FAM120A: variants seen among roughly 807,000 people sequenced by gnomAD.
FAM120A encodes family with sequence similarity 120 member A.
FAM120A carries 15 observed loss-of-function variants against 109.7 expected under a neutral mutation model. The ratio of observed to expected loss-of-function variants is 0.14; its 90% CI spans 0.09 to 0.21. The LOEUF (loss-of-function observed/expected upper bound fraction) is 0.21, where lower values mean the gene tolerates loss of function less well. Among genes scored for constraint, FAM120A ranks in the 10% least tolerant of loss-of-function variants. The pLI is 1.00. For synonymous variants in FAM120A, 493 were observed against 572.8 expected (o/e 0.86, Z 1.99); for missense variants, 899 against 1,439.3 (o/e 0.62, Z 6.07).
At chr9:93,555,098 G>A (rs867322026) in intron 12 of FAM120A, among the ~76,000 whole-genome samples, 2 of 152,118 alleles carry the variant, frequency 1.3e-5, no homozygotes, top group Non-Finnish European at 2.9e-5. Context: ...TTTTGTTCTA[G>A]TATGACCTCT....
chr9:93,482,949 A>G (rs1188963626), intron 3 of FAM120A, among the ~76,000 whole-genome samples: 2 of 152,176 alleles, frequency 1.3e-5, no homozygotes, highest in African/African-American at 4.8e-5. Context: ...CTTTTGTCCG[A>G]GAAGAGCTGT....
At chr9:93,527,308 G>A in intron 8 of FAM120A, 66 bp downstream of exon 8, 4 of 1,110,596 alleles carry the variant, frequency 3.6e-6, no homozygotes, top group Non-Finnish European at 5.4e-6. Flanking sequence ...CTGTATTAGT[G>A]ATCAAATAGT....
rs1182895127 is a variant in FAM120A, at chr9:93,565,918, C to T, written c.*1378C>T. The stretch of plus-strand genomic sequence containing the variant: ...AGTGATCAGAAATGAGGTGTAATTC[C>T]CCAACCCCTGCCCGCAAGAGCTAAG... On this transcript the variant is annotated 3_prime_UTR_variant, in exon 18 of 18. Coordinates refer to ENST00000277165, the MANE Select transcript of FAM120A (RefSeq NM_014612.5). 1 of 152,562 alleles carries T rather than the reference C, an allele frequency of 6.6e-6. No individual in the cohort carries two copies. Among genetic ancestry groups the T allele is most frequent in the Non-Finnish European group, 1.5e-5 (1 of 68,028 alleles). The allele number at this position is 152,562 out of a possible 1,614,324, so 9.5% of individuals were successfully genotyped here.
At chr9:93,467,525 C>T (rs1401502391) in intron 1 of FAM120A, among the ~76,000 whole-genome samples, 1 of 151,998 alleles carries the variant, frequency 6.6e-6, no homozygotes, top group Non-Finnish European at 1.5e-5. Flanking sequence ...GATTTCCCTC[C>T]CCCCGACCCT....
chr9:93,542,558 C>T (rs1861742791), intron 10 of FAM120A, among the ~76,000 whole-genome samples: 1 of 152,124 alleles, frequency 6.6e-6, no homozygotes, highest in African/African-American at 2.4e-5. Flanking sequence ...AACTTCTTGT[C>T]TTTTTTGAGG....
intron 11 of FAM120A, among the ~76,000 whole-genome samples, chr9:93,545,780 C>T (rs367779074): frequency 6.6e-4 from 43 of 65,500 alleles, no homozygotes; most frequent in East Asian, 2.6e-3. Context: ...GGAAAGACTC[C>T]TTTTTTTTTT....
intron 1 of FAM120A, among the ~76,000 whole-genome samples, chr9:93,462,429 C>CA (rs1394514482): frequency 5.3e-5 from 8 of 152,144 alleles, no homozygotes; most frequent in Non-Finnish European, 1.2e-4. Context: ...AGGCGTGCGC[C>CA]TGCCACCACA....
chr9:93,532,501 G>A lies in FAM120A; in HGVS notation c.1909+172G>A. 1.6e-6 allele frequency: 1 copy of A among 629,246 alleles called. No individual in the cohort carries two copies. The highest frequency in any genetic ancestry group is 2.8e-6 in the Non-Finnish European group (1 of 358,766). 39.0% of individuals were successfully genotyped at this position (629,246 alleles called of 1,614,324 possible). A position where few individuals can be genotyped will look rare whatever the true frequency, so the allele number is the denominator to read the frequency against. On this transcript the variant is annotated intron_variant, in intron 10 of 17. Transcript: ENST00000277165. This position sits in a 1 kb window ranked among gnomAD's most constrained non-coding sequence, Gnocchi z 4.3. ...AGGGTAAAGGCTCTTAGAAAAGGAGGAGAAGCCACAGACTTTCTTCCTCAG... is the reference window on the plus strand; with the variant it reads ...AGGGTAAAGGCTCTTAGAAAAGGAGAAGAAGCCACAGACTTTCTTCCTCAG...
intron 5 of FAM120A, among the ~76,000 whole-genome samples, chr9:93,511,283 C>T (rs7867466): frequency 0.024 from 3,624 of 152,276 alleles, 148 homozygotes; most frequent in African/African-American, 0.082. Context: ...CTCTTCTGGG[C>T]GCCGGCCTCT....
chr9:93,489,149 G>A (rs1469590691), intron 3 of FAM120A, among the ~76,000 whole-genome samples: 6 of 152,068 alleles, frequency 3.9e-5, no homozygotes, highest in Admixed American at 6.6e-5. Flanking sequence ...AAAAAAAGGC[G>A]CAATTTTGAA....
At chr9:93,479,169 G>A (rs1858688270) in intron 3 of FAM120A, among the ~76,000 whole-genome samples, 2 of 141,196 alleles carry the variant, frequency 1.4e-5, no homozygotes. Flanking sequence ...CGGGATCTCG[G>A]CTCACTGCAA....
chr9:93,555,470 T>C (rs1862256448), intron 12 of FAM120A, among the ~76,000 whole-genome samples: 1 of 152,246 alleles, frequency 6.6e-6, no homozygotes, highest in Non-Finnish European at 1.5e-5. Flanking sequence ...ACCTGCCACA[T>C]GTAGGCATTG....
chr9:93,514,570 A>C (rs1443533817), intron 5 of FAM120A, among the ~76,000 whole-genome samples: 2 of 152,150 alleles, frequency 1.3e-5, no homozygotes, highest in Non-Finnish European at 2.9e-5. Context: ...ATCTTACTTA[A>C]ACCGCCTCAG....
intron 12 of FAM120A, among the ~76,000 whole-genome samples, chr9:93,555,505 T>C (rs1192423246): frequency 6.6e-6 from 1 of 152,220 alleles, no homozygotes; most frequent in African/African-American, 2.4e-5. Context: ...CCATAAACAT[T>C]GCATTCTTGA....
chr9:93,554,934 A>G (rs1862242872), intron 12 of FAM120A, among the ~76,000 whole-genome samples: 1 of 152,198 alleles, frequency 6.6e-6, no homozygotes, highest in South Asian at 2.1e-4. Flanking sequence ...GCAAGGGGCC[A>G]GGAGATGGGT....
rs1277570398 is a variant in FAM120A, at chr9:93,467,271, G to A, written c.475-3870G>A. Among the ~76,000 whole-genome samples the A allele has an allele frequency of 2.3e-4, 18 of 76,622 alleles. 1 individual carries two copies. Among genetic ancestry groups the A allele is most frequent in the African/African-American group, 8.1e-4 (17 of 20,998 alleles). The allele number at this position is 76,622 out of a possible 152,430, so 50.3% of individuals were successfully genotyped here. On this transcript the variant is annotated intron_variant, in intron 1 of 17. Transcript: ENST00000277165. Reference sequence around the variant, plus strand: ...ACCCCCCCCCCCCTTTTCCCCCATTGAATAACTGTGGAACCACACTTCCAT... The same window carrying A: ...ACCCCCCCCCCCCTTTTCCCCCATTAAATAACTGTGGAACCACACTTCCAT...
At chr9:93,492,242 A>G (rs557571229) in intron 3 of FAM120A, among the ~76,000 whole-genome samples, 230 of 152,252 alleles carry the variant, frequency 1.5e-3, no homozygotes, top group Non-Finnish European at 2.4e-3. Flanking sequence ...TTAACTTCTC[A>G]TACATATATG....
intron 11 of FAM120A, 75 bp from the exon 12 acceptor site, chr9:93,550,502 A>C: frequency 9.4e-7 from 1 of 1,059,316 alleles, no homozygotes; most frequent in Non-Finnish European, 1.5e-6. Context: ...TTTACCTAGA[A>C]CCTCCCACTG....
chr9:93,453,847 A>G (rs1194684837), intron 1 of FAM120A, among the ~76,000 whole-genome samples: 5 of 152,228 alleles, frequency 3.3e-5, no homozygotes, highest in African/African-American at 9.6e-5. Context: ...TTCATAGTTT[A>G]GTCTTGTTCA....
Sources: allele counts gnomAD v4.1 joint callset (sites outside exome capture counted in the v4.1 genomes callset), GRCh38; gene constraint gnomAD v4.1.1; non-coding constraint Gnocchi (gnomAD v3.1); transcripts MANE v1.5; gene names NCBI Gene and HGNC (gene_info 2026-07-23, HGNC 2026-07-21).